Variants in FTO observed in about 807,000 individuals in gnomAD.
FTO encodes the protein FTO alpha-ketoglutarate dependent dioxygenase.
In FTO, 47 loss-of-function variants were observed where a neutral mutation model predicts 63.9. That is an observed-to-expected ratio of 0.74 (90% CI 0.58 to 0.94). The LOEUF (loss-of-function observed/expected upper bound fraction) is 0.94. Ranked by LOEUF, FTO falls within the 40% of genes least tolerant of loss-of-function variation. The pLI, the probability that FTO is intolerant of heterozygous loss-of-function variation, is 0.00. For synonymous variants in FTO, 207 were observed against 224.4 expected (o/e 0.92, Z 0.69); for missense variants, 562 against 618.1 (o/e 0.91, Z 0.96).
intron 8 of FTO, among the ~76,000 whole-genome samples, chr16:53,983,441 G>C (rs763022066): frequency 1.3e-5 from 2 of 152,052 alleles, no homozygotes; most frequent in Non-Finnish European, 2.9e-5. Context: ...ATAAAGATGT[G>C]TGGCATACAT....
At chr16:54,027,660 T>A (rs12447135) in intron 8 of FTO, among the ~76,000 whole-genome samples, 11,819 of 151,750 alleles carry the variant, frequency 0.078, 723 homozygotes, top group African/African-American at 0.16. Context: ...ACAAGAAGAG[T>A]AATTGGATGG....
intron 1 of FTO, among the ~76,000 whole-genome samples, chr16:53,711,686 G>T (rs2075781365): frequency 6.6e-6 from 1 of 152,162 alleles, no homozygotes; most frequent in African/African-American, 2.4e-5. Context: ...TAGCTTCAAA[G>T]ACTCTTATGC....
intron 1 of FTO, among the ~76,000 whole-genome samples, chr16:53,750,996 G>T (rs1481354501): frequency 6.6e-6 from 1 of 152,150 alleles, no homozygotes; most frequent in African/African-American, 2.4e-5. Context: ...CCTAAGTATG[G>T]ACGTTTATTT....
At chr16:54,088,397 A>G (rs1311760637) in intron 8 of FTO, among the ~76,000 whole-genome samples, 1 of 152,206 alleles carries the variant, frequency 6.6e-6, no homozygotes, top group African/African-American at 2.4e-5. Context: ...ATTATAAGCA[A>G]TTCTGCAAAA....
intron 1 of FTO, among the ~76,000 whole-genome samples, chr16:53,721,434 AT>A (rs1010767156): frequency 2.0e-5 from 3 of 152,122 alleles, no homozygotes; most frequent in Non-Finnish European, 4.4e-5. Context: ...TATTTTTAAA[AT>A]TTTTTTCTCA....
At chr16:54,033,026 G>C (rs941571460) in intron 8 of FTO, among the ~76,000 whole-genome samples, 10 of 152,150 alleles carry the variant, frequency 6.6e-5, no homozygotes, top group Non-Finnish European at 1.0e-4. Flanking sequence ...CCAGTATCAA[G>C]CCTCCTGTCC....
chr16:54,077,117 C>G (rs566653701), intron 8 of FTO, among the ~76,000 whole-genome samples: 2 of 152,158 alleles, frequency 1.3e-5, no homozygotes, highest in South Asian at 4.1e-4. Flanking sequence ...TCTTAAAAAT[C>G]ATGGATTGAT....
At chr16:53,898,596 C>T (rs2081329982) in intron 7 of FTO, among the ~76,000 whole-genome samples, 1 of 152,178 alleles carries the variant, frequency 6.6e-6, no homozygotes, top group African/African-American at 2.4e-5. Flanking sequence ...ATAGGAGGTA[C>T]TCGACACATG....
At chr16:53,868,828 C>T (rs934816106) in intron 4 of FTO, among the ~76,000 whole-genome samples, 1 of 151,640 alleles carries the variant, frequency 6.6e-6, no homozygotes, top group African/African-American at 2.4e-5. Flanking sequence ...AAAATCCTTT[C>T]TTTCTTTCTT....
At chr16:53,980,504 G>C (rs1305801161) in intron 8 of FTO, among the ~76,000 whole-genome samples, 2 of 152,158 alleles carry the variant, frequency 1.3e-5, no homozygotes, top group African/African-American at 4.8e-5. Context: ...GATTGTATTT[G>C]CCCGTCAGAG....
chr16:53,913,685 A>C (rs1598976580), intron 7 of FTO, among the ~76,000 whole-genome samples: 1 of 152,230 alleles, frequency 6.6e-6, no homozygotes, highest in Middle Eastern at 3.4e-3. Flanking sequence ...TGTTCATTTA[A>C]AGCCACTCGT....
At chr16:54,025,327 C>T (rs1334921807) in intron 8 of FTO, among the ~76,000 whole-genome samples, 1 of 152,226 alleles carries the variant, frequency 6.6e-6, no homozygotes. Context: ...ACAGTATTCT[C>T]AACACTAGTG....
chr16:53,985,349 G>A (rs2143848337), intron 8 of FTO, among the ~76,000 whole-genome samples: 1 of 152,280 alleles, frequency 6.6e-6, no homozygotes, highest in Middle Eastern at 3.4e-3. Context: ...GATTCTCTGA[G>A]TATGTTTCTC....
chr16:53,711,086 TATC>T (rs1567918068), intron 1 of FTO, among the ~76,000 whole-genome samples: 1 of 151,438 alleles, frequency 6.6e-6, no homozygotes, highest in Admixed American at 6.6e-5. Flanking sequence ...TAAACATTGT[TATC>T]ATCATCATTA....
chr16:54,020,978 G>GA (rs760330330), intron 8 of FTO, among the ~76,000 whole-genome samples: 4 of 149,768 alleles, frequency 2.7e-5, no homozygotes, highest in Admixed American at 6.6e-5. Flanking sequence ...CTCAAAAAAA[G>GA]AAAAAAAAAG....
intron 8 of FTO, among the ~76,000 whole-genome samples, chr16:53,952,610 T>C (rs1397035890): frequency 6.6e-6 from 1 of 152,194 alleles, no homozygotes; most frequent in Admixed American, 6.5e-5. Context: ...TGTGGGAAAC[T>C]GAAAGTGAAA....
chr16:53,947,099 C>T (rs750159943), intron 8 of FTO, among the ~76,000 whole-genome samples: 3 of 152,182 alleles, frequency 2.0e-5, no homozygotes, highest in African/African-American at 4.8e-5. Context: ...CCATCCATCT[C>T]GCTTAGGAGC....
At chr16:54,036,488 C>G (rs1747908209) in intron 8 of FTO, among the ~76,000 whole-genome samples, 1 of 152,152 alleles carries the variant, frequency 6.6e-6, no homozygotes, top group Non-Finnish European at 1.5e-5. Context: ...AAACTCAAAA[C>G]CTTGAGGTTC....
At chr16:53,877,101 G>A (rs1018978470) in intron 5 of FTO, among the ~76,000 whole-genome samples, 12 of 152,256 alleles carry the variant, frequency 7.9e-5, no homozygotes, top group Non-Finnish European at 1.5e-4. Context: ...CATGCAGGAA[G>A]TGGCACCCAT....
Sources: gnomAD v4.1 joint callset for allele counts (sites outside exome capture counted in the v4.1 genomes callset) on GRCh38, gnomAD v4.1.1 for gene constraint, MANE v1.5 for transcripts, NCBI Gene and HGNC (gene_info 2026-07-23, HGNC 2026-07-21) for gene names.